Variants in HEPHL1 observed in about 807,000 individuals in gnomAD.
HEPHL1 encodes ferroxidase HEPHL1.
In HEPHL1, 123 loss-of-function variants were observed where a neutral mutation model predicts 122.0. That is an observed-to-expected ratio of 1.01 (90% CI 0.87 to 1.17). The LOEUF (loss-of-function observed/expected upper bound fraction) is 1.17. Among genes scored for constraint, HEPHL1 ranks in the 50% most tolerant of loss-of-function variants. HEPHL1 has a pLI of 0.00. For missense variants in HEPHL1, 1,452 were observed against 1,430.5 expected, an observed-to-expected ratio of 1.01 and a Z score of -0.24; for synonymous variants, 527 against 508.9, an observed-to-expected ratio of 1.04 and a Z score of -0.48.
intron 1 of HEPHL1, among the ~76,000 whole-genome samples, chr11:94,036,388 A>G (rs1298650462): frequency 6.6e-6 from 1 of 152,138 alleles, no homozygotes. Context: ...GAGAAGGGAG[A>G]GAAGAATCAA....
chr11:94,094,148 CT>C (rs1324709602), intron 13 of HEPHL1, among the ~76,000 whole-genome samples: 1 of 151,432 alleles, frequency 6.6e-6, no homozygotes, highest in Non-Finnish European at 1.5e-5. Flanking sequence ...TCCCTCACCC[CT>C]GCCCCTACCC....
intron 1 of HEPHL1, among the ~76,000 whole-genome samples, chr11:94,036,909 C>T (rs938319774): frequency 5.3e-5 from 8 of 151,638 alleles, no homozygotes; most frequent in African/African-American, 1.7e-4. Flanking sequence ...CAGCTCCCAG[C>T]GTGAGCGACA....
intron 13 of HEPHL1, among the ~76,000 whole-genome samples, chr11:94,094,694 A>T (rs1442527512): frequency 1.9e-4 from 29 of 152,202 alleles, no homozygotes. Flanking sequence ...CGCCATTGTA[A>T]CTGGTATGAG....
chr11:94,070,501 C>T lies in HEPHL1; in HGVS notation c.1191C>T (p.Gly397=), dbSNP rs1431246935. 2 of 1,611,252 alleles carry T rather than the reference C, an allele frequency of 1.2e-6. No homozygotes were observed. The stretch of plus-strand genomic sequence containing the variant: ...TTCTTTGGGATTATGCTCCTCAAGG[C>T]TATAACAAATTCAGTGGTCTTCCTC... ...EKILWDYAPQ[G]YNKFSGLPLN... is the part of the protein sequence containing the mutation. Residue 397 remains glycine (G), a synonymous_variant, in exon 6 of 20, where the codon GGC becomes GGT. Coordinates refer to ENST00000315765, the MANE Select transcript of HEPHL1 (RefSeq NM_001098672.2).
chr11:94,049,887 G>A (rs1043747842), intron 2 of HEPHL1, among the ~76,000 whole-genome samples: 4 of 152,048 alleles, frequency 2.6e-5, no homozygotes, highest in Admixed American at 2.6e-4. Context: ...CTAGGATTTT[G>A]ATAGCAGTCG....
intron 2 of HEPHL1, 72 bp downstream of exon 2, chr11:94,045,989 G>C: frequency 7.8e-7 from 1 of 1,289,628 alleles, no homozygotes; most frequent in Non-Finnish European, 1.1e-6. Flanking sequence ...GAGTTAAAGA[G>C]ATTTTAGGAG....
chr11:94,023,229 G>A (rs1463752454), intron 1 of HEPHL1, among the ~76,000 whole-genome samples: 2 of 152,110 alleles, frequency 1.3e-5, no homozygotes, highest in Non-Finnish European at 2.9e-5. Context: ...TCTTGGTAAA[G>A]GTGATCCTTC....
At chr11:94,053,062 T>A (rs1325558783) in intron 2 of HEPHL1, among the ~76,000 whole-genome samples, 1 of 152,074 alleles carries the variant, frequency 6.6e-6, no homozygotes. Context: ...TTTTTTTTAG[T>A]ATTTGTTAGA....
intron 1 of HEPHL1, among the ~76,000 whole-genome samples, chr11:94,035,122 G>A (rs1490028396): frequency 6.6e-6 from 1 of 152,190 alleles, no homozygotes; most frequent in African/African-American, 2.4e-5. Context: ...AAAGCTGCCT[G>A]TGATTTCCTG....
intron 8 of HEPHL1, 114 bp downstream of exon 8, chr11:94,073,553 G>C: frequency 9.9e-7 from 1 of 1,005,174 alleles, no homozygotes; most frequent in Non-Finnish European, 1.5e-6. Context: ...GAGAGCTTGG[G>C]CAATCACTTA....
Position 94,073,082 on chromosome 11 carries a change from G to C in HEPHL1, c.1290G>C (p.Lys430Asn). Reference sequence around the variant, plus strand: ...ACAGAATAGGAGGAAAATACTGGAAGGTTCGGTATACTGAATTTGTTGATG... The same window carrying C: ...ACAGAATAGGAGGAAAATACTGGAACGTTCGGTATACTGAATTTGTTGATG... Reference protein sequence around the residue: ...GDNRIGGKYWKVRYTEFVDAT... With the variant: ...GDNRIGGKYWNVRYTEFVDAT... Residue 430 changes from lysine (K) to asparagine (N), a missense_variant, in exon 7 of 20, where the codon AAG (lysine) becomes AAC (asparagine). By Grantham distance (94) the Lys-to-Asn change is moderately conservative. Coordinates refer to ENST00000315765, the MANE Select transcript of HEPHL1 (RefSeq NM_001098672.2). 1.2e-6 allele frequency: 2 copies of C among 1,612,794 alleles called. No homozygotes were observed. The highest frequency in any genetic ancestry group is 1.7e-6 in the Non-Finnish European group (2 of 1,179,098).
chr11:94,044,146 G>A (rs1945812460), intron 1 of HEPHL1, among the ~76,000 whole-genome samples: 1 of 151,912 alleles, frequency 6.6e-6, no homozygotes, highest in African/African-American at 2.4e-5. Context: ...GAATGGGGAA[G>A]GGGGCTTCAC....
chr11:94,110,345 A>G (rs757813522), intron 17 of HEPHL1, among the ~76,000 whole-genome samples: 1 of 152,144 alleles, frequency 6.6e-6, no homozygotes, highest in Non-Finnish European at 1.5e-5. Flanking sequence ...TTTCATGAGG[A>G]GGCAATCAAG....
At chr11:94,054,393 G>A (rs1300930241) in intron 2 of HEPHL1, among the ~76,000 whole-genome samples, 1 of 152,132 alleles carries the variant, frequency 6.6e-6, no homozygotes, top group Non-Finnish European at 1.5e-5. Flanking sequence ...AGGACCCTGG[G>A]GGGCAACAAT....
intron 1 of HEPHL1, among the ~76,000 whole-genome samples, chr11:94,024,236 C>A (rs543137643): frequency 5.3e-5 from 8 of 152,310 alleles, no homozygotes; most frequent in Non-Finnish European, 1.2e-4. Context: ...AATCCAGAGA[C>A]CTAACTTCTA....
intron 1 of HEPHL1, among the ~76,000 whole-genome samples, chr11:94,042,543 C>G (rs1485775132): frequency 6.6e-6 from 1 of 150,556 alleles, no homozygotes; most frequent in Non-Finnish European, 1.5e-5. Context: ...TACTATGCAG[C>G]CATACAAAAT....
intron 2 of HEPHL1, chr11:94,055,464 A>T (rs1434554255): frequency 8.4e-6 from 2 of 237,026 alleles, no homozygotes; most frequent in Non-Finnish European, 8.6e-6. Flanking sequence ...TAACATGAGG[A>T]TCTTTTCACA....
rs149715630 is a variant in HEPHL1 at position 94,111,147 on chromosome 11, A to T, written c.3208+82A>T. On this transcript the variant is annotated intron_variant, in intron 18 of 19. Coordinates refer to ENST00000315765, the MANE Select transcript of HEPHL1 (RefSeq NM_001098672.2). ...AAAACAGGAGGCATGACAAAAACCC[A>T]GATATAGCCCTCAACAAGCTCAGAG... The T allele has an allele frequency of 6.4e-4, 734 of 1,147,214 alleles. 6 individuals are homozygous for T. In the African/African-American group the frequency reaches 9.6e-3, roughly 15 times the overall value. 71.1% of individuals were successfully genotyped at this position (1,147,214 alleles called of 1,614,324 possible). A position where few individuals can be genotyped will look rare whatever the true frequency, so the allele number is the denominator to read the frequency against.
At chr11:94,074,655 A>G (rs543762588) in intron 8 of HEPHL1, among the ~76,000 whole-genome samples, 1 of 152,276 alleles carries the variant, frequency 6.6e-6, no homozygotes, top group Non-Finnish European at 1.5e-5. Flanking sequence ...GAATCAGACA[A>G]AAACTGAGTT....
Sources: gnomAD v4.1 joint callset for allele counts (sites outside exome capture counted in the v4.1 genomes callset) on GRCh38, gnomAD v4.1.1 for gene constraint, MANE v1.5 for transcripts, NCBI Gene and HGNC (gene_info 2026-07-23, HGNC 2026-07-21) for gene names.